ABL2: variants seen among roughly 807,000 people sequenced by gnomAD.
The protein encoded by ABL2 is tyrosine-protein kinase ABL2.
A neutral mutation model predicts 107.7 loss-of-function variants in ABL2; 49 were observed. The observed-to-expected ratio is 0.45, with a 90% CI of 0.36 to 0.58. The LOEUF is 0.58. Ranked by LOEUF, ABL2 falls within the 20% of genes least tolerant of loss-of-function variation. ABL2 has a pLI of 0.00. For missense variants in ABL2, 1,245 were observed against 1,457.0 expected (o/e 0.85, Z 2.37); for synonymous variants, 549 against 548.6 (o/e 1.00, Z -0.01).
Position 179,114,945 on chromosome 1 carries a change from T to A in ABL2, c.1494A>T (p.Leu498=). The A allele has an allele frequency of 6.2e-7, 1 of 1,612,376 alleles. No individual in the cohort carries two copies. The highest frequency in any genetic ancestry group is 1.1e-5 in the South Asian group (1 of 90,610). The change falls in exon 9 of 12, where the codon CTA becomes CTT. Residue 498 remains leucine (L), a synonymous_variant. Transcript: ENST00000502732. ...GIDLSQVYDL[L]EKGYRMEQPE... Reference sequence around the variant, plus strand: ...GCTGTTCCATTCGATATCCTTTTTCTAGTAGGTCATAGACCTGAGACAGGT... The same window carrying A: ...GCTGTTCCATTCGATATCCTTTTTCAAGTAGGTCATAGACCTGAGACAGGT...
At chr1:179,165,825 C>T (rs551668162) in intron 1 of ABL2, among the ~76,000 whole-genome samples, 4 of 151,130 alleles carry the variant, frequency 2.6e-5, no homozygotes, top group South Asian at 2.1e-4. Context: ...GACGGAGTTT[C>T]GCTCTTGTTG....
intron 1 of ABL2, among the ~76,000 whole-genome samples, chr1:179,141,499 G>C (rs993118054): frequency 2.0e-5 from 3 of 152,178 alleles, no homozygotes; most frequent in South Asian, 2.1e-4. Context: ...TGTAAATTTA[G>C]AAGATATATG....
intron 1 of ABL2, among the ~76,000 whole-genome samples, chr1:179,200,092 G>A (rs1195270021): frequency 2.2e-5 from 3 of 136,258 alleles, no homozygotes; most frequent in Non-Finnish European, 4.6e-5. Context: ...TGTCTTCCAG[G>A]CTAGAGTGCA....
Position 179,108,688 on chromosome 1 carries a change from A to G in ABL2, c.2579T>C (p.Leu860Pro). 3.1e-6 allele frequency: 5 copies of G among 1,614,154 alleles called. No individual in the cohort carries two copies. In the Admixed American group the frequency reaches 6.7e-5, roughly 22 times the overall value. Residue 860 changes from leucine to proline, a missense_variant, in exon 12 of 12, where the codon CTT (leucine) becomes CCT (proline). Leu to Pro is a moderately conservative substitution (Grantham distance 98). Coordinates refer to ENST00000502732, the MANE Select transcript of ABL2 (RefSeq NM_007314.4). Reference protein sequence around the residue: ...AKLLPRGATALPLRTPSGDLA... With the variant: ...AKLLPRGATAPPLRTPSGDLA... The stretch of plus-strand genomic sequence containing the variant: ...ATCCCCAGAGGGTGTTCTGAGAGGA[A>G]GAGCTGTGGCTCCTCTGGGCAATAA...
chr1:179,215,244 T>C (rs1352348426), intron 1 of ABL2, among the ~76,000 whole-genome samples: 2 of 152,032 alleles, frequency 1.3e-5, no homozygotes, highest in Non-Finnish European at 2.9e-5. Context: ...TATATACTCA[T>C]ATATATGTAA....
At position 179,170,097 on chromosome 1, in the gene ABL2, A is replaced by AG. The variant is rs369805218; in HGVS notation, c.158-36724dup. 2.2e-3 allele frequency among the ~76,000 whole-genome samples: 338 copies of AG among 152,276 alleles called. 3 individuals are homozygous for AG. Among genetic ancestry groups the AG allele is most frequent in the African/African-American group, 7.7e-3 (319 of 41,556 alleles). On this transcript the variant is annotated intron_variant, in intron 1 of 11. Coordinates refer to ENST00000502732, the MANE Select transcript of ABL2 (RefSeq NM_007314.4). ...CACAGTTCTAGAGACTAGGAGTCCA[A>AG]GGGCATAGCACCAACATCTGGTGAA...
intron 1 of ABL2, among the ~76,000 whole-genome samples, chr1:179,226,828 GT>G (rs998382240): frequency 2.6e-5 from 4 of 152,106 alleles, no homozygotes; most frequent in African/African-American, 9.7e-5. Context: ...GGAAAAATGG[GT>G]CCAGAGTTCA....
intron 1 of ABL2, among the ~76,000 whole-genome samples, chr1:179,139,215 C>T (rs2636275): frequency 0.5 from 75,221 of 151,828 alleles, 18,783 homozygotes; most frequent in Admixed American, 0.54. Context: ...TTTTATGAGC[C>T]GTAACACTCA....
chr1:179,160,411 C>A (rs1211352001), intron 1 of ABL2, among the ~76,000 whole-genome samples: 1 of 151,850 alleles, frequency 6.6e-6, no homozygotes, highest in Non-Finnish European at 1.5e-5. Flanking sequence ...ACTTCTACAT[C>A]ATTCCTATAT....
rs1557958734 is a variant in ABL2 at position 179,152,039 on chromosome 1, A to G, written c.158-18665T>C. 2.0e-5 allele frequency among the ~76,000 whole-genome samples: 3 copies of G among 152,228 alleles called. No individual in the cohort carries two copies. The South Asian group carries it at 6.2e-4, about 31-fold the overall frequency. ...GAAGAGCACATTTTTCTAAGCAGAA[A>G]AAAACAATATAAACAAAGACATGGC... On this transcript the variant is annotated intron_variant, in intron 1 of 11. Transcript: ENST00000502732.
At chr1:179,214,519 C>T (rs979302382) in intron 1 of ABL2, among the ~76,000 whole-genome samples, 4 of 122,134 alleles carry the variant, frequency 3.3e-5, no homozygotes, top group Non-Finnish European at 6.8e-5. Flanking sequence ...TTTAAAATGA[C>T]ATATATATAT....
At chr1:179,179,834 C>T (rs1300254750) in intron 1 of ABL2, among the ~76,000 whole-genome samples, 1 of 151,812 alleles carries the variant, frequency 6.6e-6, no homozygotes, top group Non-Finnish European at 1.5e-5. Flanking sequence ...GGCATAGTGG[C>T]TCATGCTTGT....
At position 179,126,790 on chromosome 1, in the gene ABL2, GC is replaced by G; in HGVS notation, c.392-119del. The G allele has an allele frequency of 8.8e-7, 1 of 1,136,240 alleles. No homozygotes were observed. The highest frequency in any genetic ancestry group is 1.2e-6 in the Non-Finnish European group (1 of 829,192). 70.4% of individuals were successfully genotyped at this position (1,136,240 alleles called of 1,614,324 possible). ...AAAAAAAAGAATCTAGAACTTTTAT[GC>G]CAAATTTTTTTTTTAAATAATGAAA... On this transcript the variant is annotated intron_variant, in intron 3 of 11. Coordinates refer to ENST00000502732, the MANE Select transcript of ABL2 (RefSeq NM_007314.4). This position sits in a 1 kb window ranked among gnomAD's most constrained non-coding sequence, Gnocchi z 4.4.
intron 1 of ABL2, among the ~76,000 whole-genome samples, chr1:179,188,819 T>C (rs1297180392): frequency 3.3e-5 from 5 of 152,154 alleles, no homozygotes; most frequent in African/African-American, 1.2e-4. Context: ...TCAACTTTAA[T>C]TATTCATACA....
In ABL2 at chr1:179,105,198, C is replaced by T. The variant is rs1042999225; in HGVS notation, c.*2520G>A. 8.7e-6 allele frequency: 2 copies of T among 230,766 alleles called. No homozygotes were observed. Among genetic ancestry groups the T allele is most frequent in the Non-Finnish European group, 1.7e-5 (2 of 116,588 alleles). The allele number at this position is 230,766 out of a possible 1,614,324, so 14.3% of individuals were successfully genotyped here. ...GCCCCTGAGTAAGACACAGCCCCCACCCCCTACCCTTCAGATTGTTGTTGG... is the reference window on the plus strand; with the variant it reads ...GCCCCTGAGTAAGACACAGCCCCCATCCCCTACCCTTCAGATTGTTGTTGG... On this transcript the variant is annotated 3_prime_UTR_variant, in exon 12 of 12. Transcript: ENST00000502732.
In ABL2 at chr1:179,121,796, A is replaced by G. The variant is rs750735277; in HGVS notation, c.759T>C (p.Asp253=). The part of the protein sequence containing the change: ...ELVHHHSTVA[D]GLVTTLHYPA... ...GGTAGTGTAATGTTGTCACCAGCCC[A>G]TCAGCCACTGTGGAGTGATGGTGTA... The change falls in exon 5 of 12, where the codon GAT becomes GAC. Residue 253 remains aspartate, a synonymous_variant. Transcript: ENST00000502732. 1.9e-6 allele frequency: 3 copies of G among 1,614,118 alleles called. No individual in the cohort carries two copies. Among genetic ancestry groups the G allele is most frequent in the Admixed American group, 1.7e-5 (1 of 60,002 alleles).
chr1:179,226,639 A>G (rs1189934875), intron 1 of ABL2, among the ~76,000 whole-genome samples: 1 of 152,154 alleles, frequency 6.6e-6, no homozygotes, highest in African/African-American at 2.4e-5. Flanking sequence ...TAACAGTAGT[A>G]TTAGTAATGG....
Position 179,174,906 on chromosome 1 carries a change from AAATAAAAT to A in ABL2, c.158-41540_158-41533del, listed in dbSNP as rs1430302959. Among the ~76,000 whole-genome samples, 9 of 109,940 alleles carry A rather than the reference AAATAAAAT, an allele frequency of 8.2e-5. 1 individual carries two copies. The highest frequency in any genetic ancestry group is 6.5e-4 in the East Asian group (2 of 3,064). The allele number at this position is 109,940 out of a possible 152,430, so 72.1% of individuals were successfully genotyped here. ...CAGAGACTCTGTCTCAAAAAAAAAA[AAATAAAAT>A]AAAAAAAATAATAATAATAATAATA... On this transcript the variant is annotated intron_variant, in intron 1 of 11. Transcript: ENST00000502732.
chr1:179,158,271 G>A (rs953617047), intron 1 of ABL2, among the ~76,000 whole-genome samples: 4 of 152,198 alleles, frequency 2.6e-5, no homozygotes, highest in Non-Finnish European at 4.4e-5. Flanking sequence ...GAGCAATTTA[G>A]AAGATAGAGA....
Sources: gnomAD v4.1 joint callset for allele counts (sites outside exome capture counted in the v4.1 genomes callset) on GRCh38, gnomAD v4.1.1 for gene constraint, Gnocchi (gnomAD v3.1) non-coding constraint, MANE v1.5 for transcripts, NCBI Gene and HGNC (gene_info 2026-07-23, HGNC 2026-07-21) for gene names.